Variants in CCDC3 observed in about 807,000 individuals in gnomAD.
The protein encoded by CCDC3 is coiled-coil domain-containing protein 3.
Under a neutral mutation model 21.4 loss-of-function variants are expected in CCDC3, and 24 were observed. The ratio of observed to expected loss-of-function variants is 1.12; its 90% CI spans 0.81 to 1.58. The LOEUF (loss-of-function observed/expected upper bound fraction) is 1.58, where lower values mean the gene tolerates loss of function less well. CCDC3 is among the 40% of genes most tolerant of loss of function. The pLI, the probability that CCDC3 is intolerant of heterozygous loss-of-function variation, is 0.00. For synonymous variants in CCDC3, 186 were observed against 166.0 expected (o/e 1.12, Z -0.93); for missense variants, 425 against 360.9 (o/e 1.18, Z -1.44).
At chr10:13,012,935 A>G (rs1836000572) in intron 5 of CCDC3, among the ~76,000 whole-genome samples, 1 of 152,224 alleles carries the variant, frequency 6.6e-6, no homozygotes, top group African/African-American at 2.4e-5. Flanking sequence ...TGTCACAAAG[A>G]AAAATATTTT....
chr10:12,899,074 G>T (rs1834054342), intron 2 of CCDC3, among the ~76,000 whole-genome samples: 1 of 152,142 alleles, frequency 6.6e-6, no homozygotes, highest in South Asian at 2.1e-4. Context: ...AACAAAGGCT[G>T]AGCCACTTAC....
intron 2 of CCDC3, among the ~76,000 whole-genome samples, chr10:12,950,266 T>C (rs1261727840): frequency 6.6e-6 from 1 of 152,196 alleles, no homozygotes; most frequent in African/African-American, 2.4e-5. Context: ...ATTGAATGCA[T>C]GAATAACTAC....
At position 12,972,410 on chromosome 10, in the gene CCDC3, C is replaced by T. The variant is rs143450075; in HGVS notation, c.549+25928G>A. Among the ~76,000 whole-genome samples the T allele has an allele frequency of 1.3e-3, 199 of 152,300 alleles. 2 individuals are homozygous for T. Among genetic ancestry groups the T allele is most frequent in the African/African-American group, 4.6e-3 (190 of 41,554 alleles). ...TGCTGGATCTGAATCCTGCCCTCAA[C>T]CACATCCCATTCTGTGCTGGAGCTC... On this transcript the variant is annotated intron_variant, in intron 2 of 2. Transcript: ENST00000378825.
intron 2 of CCDC3, among the ~76,000 whole-genome samples, chr10:12,937,299 A>G (rs922858695): frequency 2.0e-5 from 3 of 152,132 alleles, no homozygotes; most frequent in African/African-American, 4.8e-5. Flanking sequence ...GCTGCACTGG[A>G]AACTGGTGGT....
At chr10:13,084,718 C>T (rs1400817386) in intron 3 of CCDC3, among the ~76,000 whole-genome samples, 1 of 152,118 alleles carries the variant, frequency 6.6e-6, no homozygotes, top group Non-Finnish European at 1.5e-5. Context: ...ATTGTGAGAT[C>T]CTGATTTTGA....
intron 4 of CCDC3, among the ~76,000 whole-genome samples, chr10:13,069,172 T>C (rs1047154890): frequency 2.0e-5 from 3 of 152,218 alleles, no homozygotes; most frequent in African/African-American, 4.8e-5. Flanking sequence ...GGAGAAGCAC[T>C]TGAACCCGGG....
chr10:12,933,203 T>TCTAGGAATTGTA (rs1834678317), intron 2 of CCDC3, among the ~76,000 whole-genome samples: 1 of 152,180 alleles, frequency 6.6e-6, no homozygotes, highest in Non-Finnish European at 1.5e-5. Flanking sequence ...ACTTCTACCT[T>TCTAGGAATTGTA]CTAGGAATTG....
chr10:13,070,560 G>T (rs1836870082), intron 4 of CCDC3, among the ~76,000 whole-genome samples: 1 of 152,300 alleles, frequency 6.6e-6, no homozygotes, highest in Non-Finnish European at 1.5e-5. Context: ...GGTAAAGAAT[G>T]TCACTTTCCA....
chr10:12,902,318 C>T (rs1179522402), intron 2 of CCDC3, among the ~76,000 whole-genome samples: 1 of 150,916 alleles, frequency 6.6e-6, no homozygotes, highest in Non-Finnish European at 1.5e-5. Context: ...CAAAATGAGA[C>T]CCCCTCAAAA....
chr10:12,987,012 A>C (rs1424534300), intron 2 of CCDC3, among the ~76,000 whole-genome samples: 3 of 151,988 alleles, frequency 2.0e-5, no homozygotes, highest in Non-Finnish European at 4.4e-5. Context: ...AACTGCCTAC[A>C]CTCAAAAACA....
In CCDC3 at chr10:12,906,000, G is replaced by A. The variant is rs148781443; in HGVS notation, c.550-7321C>T. Among the ~76,000 whole-genome samples, 669 of 152,322 alleles carry A rather than the reference G, an allele frequency of 4.4e-3. 3 individuals carry two copies. The highest frequency in any genetic ancestry group is 0.01 in the Middle Eastern group (3 of 294). ...CCATGGGCCTTTACCCACGTCCTCC[G>A]TAGTGCCTTTTGGCGTTTTCCATAA... On this transcript the variant is annotated intron_variant, in intron 2 of 2. Coordinates refer to ENST00000378825, the MANE Select transcript of CCDC3 (RefSeq NM_031455.4).
chr10:12,905,579 T>C (rs1834158875), intron 2 of CCDC3, among the ~76,000 whole-genome samples: 1 of 152,146 alleles, frequency 6.6e-6, no homozygotes, highest in South Asian at 2.1e-4. Context: ...TTTCAGACAT[T>C]GTTTTGTGAT....
chr10:12,954,399 G>A (rs188078886), intron 2 of CCDC3, among the ~76,000 whole-genome samples: 30 of 152,276 alleles, frequency 2.0e-4, no homozygotes, highest in Middle Eastern at 6.8e-3. Context: ...ATCAAATTAC[G>A]TCTTTGTCCA....
intron 2 of CCDC3, among the ~76,000 whole-genome samples, chr10:12,944,353 AAC>A (rs1395523025): frequency 2.0e-5 from 3 of 152,136 alleles, no homozygotes; most frequent in Non-Finnish European, 2.9e-5. Flanking sequence ...CCCTTCTCTA[AAC>A]ACAAGCGTTT....
At chr10:12,918,819 C>A (rs372629870) in intron 2 of CCDC3, among the ~76,000 whole-genome samples, 1 of 151,780 alleles carries the variant, frequency 6.6e-6, no homozygotes, top group East Asian at 2.0e-4. Context: ...TTTGGGAGGC[C>A]GAGGCAGGTG....
intron 2 of CCDC3, among the ~76,000 whole-genome samples, chr10:12,957,352 C>G (rs1301803548): frequency 6.6e-6 from 1 of 152,208 alleles, no homozygotes; most frequent in Non-Finnish European, 1.5e-5. Context: ...TAATACTGAA[C>G]GAAATCTATC....
chr10:13,052,490 C>G (rs1025288694), intron 4 of CCDC3, among the ~76,000 whole-genome samples: 1 of 152,148 alleles, frequency 6.6e-6, no homozygotes, highest in Admixed American at 6.5e-5. Context: ...ATAACTTATT[C>G]ATATGTATGG....
intron 2 of CCDC3, among the ~76,000 whole-genome samples, chr10:12,925,188 C>G (rs1834515868): frequency 6.6e-6 from 1 of 152,098 alleles, no homozygotes; most frequent in Non-Finnish European, 1.5e-5. Flanking sequence ...GGCTGGCATC[C>G]CTCAGGAAGT....
intron 2 of CCDC3, among the ~76,000 whole-genome samples, chr10:12,984,123 C>T (rs1014120413): frequency 1.2e-4 from 19 of 152,238 alleles, no homozygotes; most frequent in African/African-American, 3.9e-4. Context: ...AAAGACAGCA[C>T]ACACAATGGG....
Sources: allele counts gnomAD v4.1 joint callset (sites outside exome capture counted in the v4.1 genomes callset), GRCh38; gene constraint gnomAD v4.1.1; transcripts MANE v1.5; gene names NCBI Gene and HGNC (gene_info 2026-07-23, HGNC 2026-07-21).